The following SUGCT variants were observed in gnomAD, a reference collection of about 807,000 sequenced individuals.
The protein encoded by SUGCT is succinyl-CoA:glutarate-CoA transferase, also known as succinyl-CoA:glutarate CoA-transferase.
SUGCT carries 41 observed loss-of-function variants against 55.0 expected under a neutral mutation model. The observed-to-expected ratio is 0.74, with a 90% CI of 0.58 to 0.97. The LOEUF is 0.97. SUGCT is among the 50% of genes least tolerant of loss of function. The pLI is 0.00. For synonymous variants in SUGCT, 187 were observed against 200.4 expected (o/e 0.93, Z 0.56); for missense variants, 568 against 547.8 (o/e 1.04, Z -0.37).
chr7:40,742,157 GT>G (rs1280908666), intron 12 of SUGCT, among the ~76,000 whole-genome samples: 1 of 152,106 alleles, frequency 6.6e-6, no homozygotes, highest in East Asian at 1.9e-4. Flanking sequence ...ATGTGTTTGT[GT>G]AAATTATGTG....
the SUGCT span, among the ~76,000 whole-genome samples, chr7:40,925,054 G>A: frequency 6.6e-6 from 1 of 152,170 alleles, no homozygotes; most frequent in Non-Finnish European, 1.5e-5. Context: ...TACACCTAAA[G>A]CTTTTTGCAG....
intron 9 of SUGCT, among the ~76,000 whole-genome samples, chr7:40,428,218 A>G (rs767207293): frequency 6.6e-6 from 1 of 152,150 alleles, no homozygotes; most frequent in Non-Finnish European, 1.5e-5. Context: ...TGACATTTGC[A>G]TGAAATTCCT....
At chr7:40,366,026 A>T (rs1238855281) in intron 9 of SUGCT, among the ~76,000 whole-genome samples, 1 of 152,248 alleles carries the variant, frequency 6.6e-6, no homozygotes, top group Non-Finnish European at 1.5e-5. Context: ...CTACGAGGCT[A>T]CAGTTACCAA....
chr7:40,444,293 A>T lies in SUGCT; in HGVS notation c.817-4994A>T, dbSNP rs139746191. On this transcript the variant is annotated intron_variant, in intron 9 of 13. Coordinates refer to ENST00000335693, the MANE Select transcript of SUGCT (RefSeq NM_001193313.2). ...TGGTAGCTTGATGGGGATGGCATTG[A>T]ATTTGTAAATTACCTTGGGCAGTAT... is the stretch of plus-strand genomic sequence containing the variant. Among the ~76,000 whole-genome samples, 1,311 of 152,256 alleles carry T rather than the reference A, an allele frequency of 8.6e-3. 22 individuals are homozygous for T. The highest frequency in any genetic ancestry group is 0.038 in the East Asian group (199 of 5,184).
At chr7:40,603,352 AT>A (rs1798379059) in intron 12 of SUGCT, among the ~76,000 whole-genome samples, 1 of 152,192 alleles carries the variant, frequency 6.6e-6, no homozygotes, top group Non-Finnish European at 1.5e-5. Context: ...CATAAACCCA[AT>A]AAAAAAGAAG....
the SUGCT span, among the ~76,000 whole-genome samples, chr7:40,990,357 T>A: frequency 1.3e-5 from 2 of 152,260 alleles, no homozygotes; most frequent in Non-Finnish European, 2.9e-5. Flanking sequence ...TTTTTCTTTT[T>A]TCCTGAGTAA....
chr7:40,476,749 C>T (rs1397820002), intron 11 of SUGCT, among the ~76,000 whole-genome samples: 2 of 150,730 alleles, frequency 1.3e-5, no homozygotes, highest in Non-Finnish European at 3.0e-5. Context: ...TTGAATATTA[C>T]TGTACAAATG....
At chr7:40,801,035 A>G (rs1437169911) in intron 13 of SUGCT, among the ~76,000 whole-genome samples, 1 of 152,170 alleles carries the variant, frequency 6.6e-6, no homozygotes, top group Non-Finnish European at 1.5e-5. Context: ...GCAGTCATGC[A>G]ATGGTGGCAG....
chr7:40,404,314 G>C (rs908184975), intron 9 of SUGCT, among the ~76,000 whole-genome samples: 2 of 152,158 alleles, frequency 1.3e-5, no homozygotes, highest in African/African-American at 4.8e-5. Flanking sequence ...AGATGATATT[G>C]GTTTTACTTG....
At chr7:40,199,621 A>G (rs1276973517) in intron 6 of SUGCT, among the ~76,000 whole-genome samples, 1 of 152,178 alleles carries the variant, frequency 6.6e-6, no homozygotes, top group Non-Finnish European at 1.5e-5. Flanking sequence ...ACATGTTATT[A>G]ATTATAAAAA....
chr7:40,972,689 G>A, the SUGCT span, among the ~76,000 whole-genome samples: 3 of 152,212 alleles, frequency 2.0e-5, no homozygotes, highest in African/African-American at 2.4e-5. Context: ...TTGGTAAAGA[G>A]TGGTAAAGGA....
chr7:40,203,593 G>A (rs368428020), intron 6 of SUGCT, among the ~76,000 whole-genome samples: 15 of 152,084 alleles, frequency 9.9e-5, no homozygotes, highest in East Asian at 1.9e-4. Flanking sequence ...TGGCTAACAC[G>A]GTGAAACCCC....
chr7:40,796,906 G>A (rs1342212235), intron 13 of SUGCT, among the ~76,000 whole-genome samples: 3 of 152,186 alleles, frequency 2.0e-5, no homozygotes, highest in African/African-American at 4.8e-5. Context: ...AGGTCAGCCC[G>A]AGATGAGACA....
intron 12 of SUGCT, among the ~76,000 whole-genome samples, chr7:40,564,269 G>A (rs1290108543): frequency 3.3e-5 from 5 of 152,136 alleles, no homozygotes; most frequent in African/African-American, 4.8e-5. Context: ...CCAGTTACTC[G>A]GGAGGCTGAG....
chr7:40,142,464 T>A (rs990865040), intron 1 of SUGCT, among the ~76,000 whole-genome samples: 36 of 152,190 alleles, frequency 2.4e-4, no homozygotes, highest in African/African-American at 8.7e-4. Flanking sequence ...CAGAGAATAG[T>A]TAAGGGAGGT....
At chr7:40,531,182 A>C (rs187680877) in intron 12 of SUGCT, among the ~76,000 whole-genome samples, 1 of 152,310 alleles carries the variant, frequency 6.6e-6, no homozygotes, top group East Asian at 1.9e-4. Context: ...AGAACATAAG[A>C]TGCACATGGA....
chr7:40,430,912 C>T (rs1430125163), intron 9 of SUGCT, among the ~76,000 whole-genome samples: 1 of 151,638 alleles, frequency 6.6e-6, no homozygotes, highest in Admixed American at 6.6e-5. Flanking sequence ...GTCAGAAGTT[C>T]GAGACCAGCC....
chr7:40,423,300 T>C (rs1473108875), intron 9 of SUGCT, among the ~76,000 whole-genome samples: 1 of 152,176 alleles, frequency 6.6e-6, no homozygotes, highest in African/African-American at 2.4e-5. Context: ...TGTGGAAAGA[T>C]ATTAATGTTA....
intron 13 of SUGCT, among the ~76,000 whole-genome samples, chr7:40,857,066 C>G (rs1563052651): frequency 6.6e-6 from 1 of 152,028 alleles, no homozygotes; most frequent in Non-Finnish European, 1.5e-5. Context: ...CTTAAGAGTT[C>G]TGAAGTTCAC....
Sources: allele counts gnomAD v4.1 joint callset (sites outside exome capture counted in the v4.1 genomes callset), GRCh38; gene constraint gnomAD v4.1.1; transcripts MANE v1.5; gene names NCBI Gene and HGNC (gene_info 2026-07-23, HGNC 2026-07-21).